FADS2: variants seen among roughly 807,000 people sequenced by gnomAD.
FADS2 encodes the protein acyl-CoA 6-desaturase.
FADS2 carries 18 observed loss-of-function variants against 61.2 expected under a neutral mutation model. The ratio of observed to expected loss-of-function variants is 0.29; its 90% CI spans 0.20 to 0.44. FADS2 has a LOEUF of 0.44. Among genes scored for constraint, FADS2 ranks in the 20% least tolerant of loss-of-function variants. The probability of loss-of-function intolerance (pLI) is 1.00; values close to 1 mark genes in which losing one functional copy is unlikely to be tolerated. For missense variants in FADS2, 322 were observed against 572.7 expected (o/e 0.56, Z 4.47); for synonymous variants, 203 against 223.9 (o/e 0.91, Z 0.83).
intron 7 of FADS2, among the ~76,000 whole-genome samples, chr11:61,861,371 A>AAAAAAGAAAAAAAC: frequency 9.4e-6 from 1 of 106,458 alleles, no homozygotes; most frequent in Non-Finnish European, 2.2e-5. Context: ...AAAAAAAAAA[A>AAAAAAGAAAAAAAC]CAGAAATTAG....
intron 1 of FADS2, chr11:61,817,016 C>A (rs2066992400): frequency 7.6e-7 from 1 of 1,317,316 alleles, no homozygotes; most frequent in Non-Finnish European, 9.7e-7. Context: ...CACGCGCCCC[C>A]TCGCGGGCTC....
In FADS2 at chr11:61,828,567, C is replaced by T; in HGVS notation, c.177C>T (p.Val59=). ...WSIQHPGGQR[V]IGHYAGEDAT... ...TCCAGCACCCGGGGGGCCAGCGGGT[C>T]ATCGGGCACTACGCTGGAGAAGATG... The change falls in exon 1 of 12, where the codon GTC becomes GTT. Residue 59 remains valine, a synonymous_variant. Transcript: ENST00000278840. The surrounding 1 kb of genome is among the most constrained non-coding windows in gnomAD (Gnocchi z 6.4). The T allele has an allele frequency of 2.5e-6, 4 of 1,613,966 alleles. No individual in the cohort carries two copies. Among genetic ancestry groups the T allele is most frequent in the Non-Finnish European group, 3.4e-6 (4 of 1,179,980 alleles).
intron 8 of FADS2, 96 bp from the exon 9 acceptor site, chr11:61,863,186 T>G: frequency 7.0e-7 from 1 of 1,423,942 alleles, no homozygotes; most frequent in Non-Finnish European, 9.9e-7. Context: ...CCTGGCCCCT[T>G]GGCAGGGGCT....
rs1453666008 is a variant in FADS2, at chr11:61,828,346, C to G, written c.-45C>G. Reference sequence around the variant, plus strand: ...AGCCGTCTGTGCAGCGAGCAGCCGGCGCGGGGAGGCCGCAGTGCACGGGGC... The same window carrying G: ...AGCCGTCTGTGCAGCGAGCAGCCGGGGCGGGGAGGCCGCAGTGCACGGGGC... On this transcript the variant is annotated 5_prime_UTR_variant, in exon 1 of 12. Coordinates refer to ENST00000278840, the MANE Select transcript of FADS2 (RefSeq NM_004265.4). The surrounding 1 kb of genome is among the most constrained non-coding windows in gnomAD (Gnocchi z 6.4). 2 of 1,542,438 alleles carry G rather than the reference C, an allele frequency of 1.3e-6. No individual in the cohort carries two copies. Among genetic ancestry groups the G allele is most frequent in the Middle Eastern group, 2.2e-4 (1 of 4,460 alleles).
intron 5 of FADS2, among the ~76,000 whole-genome samples, chr11:61,851,831 A>C (rs2067309628): frequency 6.6e-6 from 1 of 152,206 alleles, no homozygotes; most frequent in African/African-American, 2.4e-5. Flanking sequence ...CGTTTTCTGC[A>C]TTTTGGTCTT....
At chr11:61,842,965 C>A (rs2067228740) in intron 4 of FADS2, among the ~76,000 whole-genome samples, 1 of 152,236 alleles carries the variant, frequency 6.6e-6, no homozygotes, top group African/African-American at 2.4e-5. Context: ...GGACCCCCTT[C>A]TTCCTGTTGG....
chr11:61,863,196 T>C, intron 8 of FADS2, 86 bp from the exon 9 acceptor site: 3 of 1,425,930 alleles, frequency 2.1e-6, no homozygotes, highest in Non-Finnish European at 2.0e-6. Flanking sequence ...TGGCAGGGGC[T>C]GTCCTGGGCT....
chr11:61,833,008 G>A (rs999387047), intron 1 of FADS2, among the ~76,000 whole-genome samples: 3 of 152,224 alleles, frequency 2.0e-5, no homozygotes, highest in African/African-American at 7.2e-5. Flanking sequence ...TGTACCCAGA[G>A]TGGGGCAGGG....
At chr11:61,853,290 CCCTT>C (rs59872671) in intron 5 of FADS2, among the ~76,000 whole-genome samples, 15,079 of 81,520 alleles carry the variant, frequency 0.18, 1,469 homozygotes, top group Admixed American at 0.27. Context: ...CTCCCTCCCT[CCCTT>C]CCTTCCTTCC....
chr11:61,833,627 C>T (rs2067147061), intron 1 of FADS2, among the ~76,000 whole-genome samples: 3 of 152,216 alleles, frequency 2.0e-5, no homozygotes, highest in Admixed American at 2.0e-4. Context: ...ACCTGCCTCA[C>T]GAAGTTTGGT....
chr11:61,835,743 A>G (rs1288108118), intron 1 of FADS2, among the ~76,000 whole-genome samples: 1 of 152,086 alleles, frequency 6.6e-6, no homozygotes, highest in African/African-American at 2.4e-5. Flanking sequence ...ATGTTGAAGG[A>G]ACAAGCAAAC....
intron 5 of FADS2, among the ~76,000 whole-genome samples, chr11:61,849,111 G>T (rs1044039100): frequency 6.6e-6 from 1 of 152,070 alleles, no homozygotes; most frequent in African/African-American, 2.4e-5. Flanking sequence ...TGGCCAGGCT[G>T]GTCTCAAACT....
intron 5 of FADS2, among the ~76,000 whole-genome samples, chr11:61,848,504 CA>C (rs1176121146): frequency 9.9e-5 from 15 of 152,186 alleles, no homozygotes; most frequent in Non-Finnish European, 2.1e-4. Flanking sequence ...TTCAGCCAGG[CA>C]GGTCCACATC....
intron 3 of FADS2, 43 bp from the exon 4 acceptor site, chr11:61,840,581 G>C (rs201080746): frequency 1.2e-6 from 2 of 1,613,286 alleles, no homozygotes; most frequent in African/African-American, 1.3e-5. Context: ...CCTGGTGCCT[G>C]TTTGCTGAGG....
chr11:61,849,672 T>C (rs1009773668), intron 5 of FADS2: 3 of 152,204 alleles, frequency 2.0e-5, no homozygotes, highest in Non-Finnish European at 4.4e-5. Context: ...GTTAACAAGA[T>C]GCTATACAGT....
chr11:61,824,894 A>T (rs927365124), upstream of FADS2, among the ~76,000 whole-genome samples: 1 of 152,144 alleles, frequency 6.6e-6, no homozygotes, highest in African/African-American at 2.4e-5. Context: ...TTCTGCAGTA[A>T]GAGAGAATCA....
At position 61,822,115 on chromosome 11, in the gene FADS2, G is replaced by A. The variant is rs181819644; in HGVS notation, c.141+5689G>A. Among the ~76,000 whole-genome samples, 423 of 152,252 alleles carry A rather than the reference G, an allele frequency of 2.8e-3. 2 individuals carry two copies. The highest frequency in any genetic ancestry group is 0.01 in the Middle Eastern group (3 of 294). On this transcript the variant is annotated intron_variant, in intron 1 of 11. Coordinates refer to the FADS2 transcript ENST00000257261. ...CTCCTGAGTAGCTGGGACTACAGGCGTCTGCCACCACGCCTGGCTAATTTT... is the reference window on the plus strand; with the variant it reads ...CTCCTGAGTAGCTGGGACTACAGGCATCTGCCACCACGCCTGGCTAATTTT...
chr11:61,857,404 C>T, intron 6 of FADS2, 50 bp from the exon 7 acceptor site: 1 of 1,543,868 alleles, frequency 6.5e-7, no homozygotes, highest in Non-Finnish European at 8.9e-7. Context: ...GACCTTCCGG[C>T]ACAGGCAGGG....
rs1448386135 is a variant in FADS2 at position 61,848,301 on chromosome 11, G to A, written c.744+17G>A. On this transcript the variant is annotated intron_variant, in intron 5 of 11. Transcript: ENST00000278840. ...CCCATCGAGGTACGACTAAGAGGATGGTGTTGACCTAGGAAGTGTTTGTCC... is the reference window on the plus strand; with the variant it reads ...CCCATCGAGGTACGACTAAGAGGATAGTGTTGACCTAGGAAGTGTTTGTCC... 6.2e-7 allele frequency: 1 copy of A among 1,611,242 alleles called. No homozygotes were observed. The highest frequency in any genetic ancestry group is 8.5e-7 in the Non-Finnish European group (1 of 1,177,936).
Sources: gnomAD v4.1 joint callset for allele counts (sites outside exome capture counted in the v4.1 genomes callset) on GRCh38, gnomAD v4.1.1 for gene constraint, Gnocchi (gnomAD v3.1) non-coding constraint, MANE v1.5 for transcripts, NCBI Gene and HGNC (gene_info 2026-07-23, HGNC 2026-07-21) for gene names.